The following PHF19 variants were observed in gnomAD, a reference collection of about 807,000 sequenced individuals.
The protein encoded by PHF19 is PHD finger protein 19.
A neutral mutation model predicts 79.8 loss-of-function variants in PHF19; 21 were observed. That is an observed-to-expected ratio of 0.26 (90% CI 0.19 to 0.38). The LOEUF (loss-of-function observed/expected upper bound fraction) is 0.38. PHF19 is among the 10% of genes least tolerant of loss of function. PHF19 has a pLI of 1.00. For synonymous variants in PHF19, 273 were observed against 296.3 expected (o/e 0.92, Z 0.81); for missense variants, 445 against 744.2 (o/e 0.60, Z 4.68).
At chr9:120,873,081 G>A (rs2045951916) in intron 3 of PHF19, among the ~76,000 whole-genome samples, 1 of 152,178 alleles carries the variant, frequency 6.6e-6, no homozygotes, top group South Asian at 2.1e-4. Context: ...CATATTACTT[G>A]CTCCTGCAAA....
intron 1 of PHF19, among the ~76,000 whole-genome samples, chr9:120,887,643 CACACACACAG>C (rs56938796): frequency 0.14 from 8,493 of 60,104 alleles, 256 homozygotes; most frequent in South Asian, 0.24. Context: ...CACACACACA[CACACACACAG>C]ACACACACAC....
In PHF19 at chr9:120,869,033, G is replaced by A; in HGVS notation, c.614+149C>T. 3 of 506,020 alleles carry A rather than the reference G, an allele frequency of 5.9e-6. No individual in the cohort carries two copies. Among genetic ancestry groups the A allele is most frequent in the Non-Finnish European group, 7.7e-6 (3 of 391,312 alleles). The allele number at this position is 506,020 out of a possible 1,614,324, so 31.3% of individuals were successfully genotyped here. A position where few individuals can be genotyped will look rare whatever the true frequency, so the allele number is the denominator to read the frequency against. Reference sequence around the variant, plus strand: ...CTGACACTCCAGGCCCGCCCCTCGAGGCCCCGCCCCCACAGCGCAACACAC... The same window carrying A: ...CTGACACTCCAGGCCCGCCCCTCGAAGCCCCGCCCCCACAGCGCAACACAC... On this transcript the variant is annotated intron_variant, in intron 6 of 14. Coordinates refer to ENST00000373896, the MANE Select transcript of PHF19 (RefSeq NM_015651.3). This position sits in a 1 kb window ranked among gnomAD's most constrained non-coding sequence, Gnocchi z 5.8.
chr9:120,862,011 G>A lies in PHF19; in HGVS notation c.1131-6C>T. The A allele has an allele frequency of 1.9e-6, 3 of 1,609,124 alleles. No homozygotes were observed. The highest frequency in any genetic ancestry group is 1.7e-4 in the Middle Eastern group (1 of 6,056). On this transcript the variant is annotated splice_polypyrimidine_tract_variant and splice_region_variant and intron_variant, in intron 11 of 14. Coordinates refer to ENST00000373896, the MANE Select transcript of PHF19 (RefSeq NM_015651.3). This position sits in a 1 kb window ranked among gnomAD's most constrained non-coding sequence, Gnocchi z 4.6. ...GGAATTCGTGAGGCAACAAACTGTG[G>A]AGACAGAAGAGGGAGAAGGTGGCCC...
chr9:120,869,256 G>C lies in PHF19; in HGVS notation c.540C>G (p.Pro180=). The C allele has an allele frequency of 6.2e-7, 1 of 1,612,616 alleles. No individual in the cohort carries two copies. The highest frequency in any genetic ancestry group is 8.5e-7 in the Non-Finnish European group (1 of 1,179,648). Residue 180 remains proline (P), a synonymous_variant, in exon 6 of 15, where the codon CCC becomes CCG. Transcript: ENST00000373896. This position sits in a 1 kb window ranked among gnomAD's most constrained non-coding sequence, Gnocchi z 5.8. ...GGGGCGAGTCCCACTCGAGCTCCTC[G>C]GGCTGGTAGGACAGCACCATCTTCA... ...QAVKMVLSYQ[P]EELEWDSPHR...
intron 1 of PHF19, among the ~76,000 whole-genome samples, chr9:120,890,306 CT>C (rs1482682272): frequency 8.3e-6 from 1 of 120,992 alleles, no homozygotes; most frequent in Non-Finnish European, 1.7e-5. Flanking sequence ...CCTGTTAACG[CT>C]TTTGACGTTT....
upstream of PHF19, among the ~76,000 whole-genome samples, chr9:120,897,227 C>T (rs929458140): frequency 2.6e-5 from 4 of 152,244 alleles, no homozygotes; most frequent in Admixed American, 6.5e-5. Flanking sequence ...TGGGGCTGGC[C>T]CACGCCCAGC....
At chr9:120,868,736 C>T in intron 6 of PHF19, 1 of 695,838 alleles carries the variant, frequency 1.4e-6, no homozygotes, top group Non-Finnish European at 1.8e-6. Flanking sequence ...TCCTCAGGTC[C>T]TGTTCCCGAG....
At chr9:120,878,365 T>C (rs2046123500), upstream of PHF19, among the ~76,000 whole-genome samples, 1 of 152,160 alleles carries the variant, frequency 6.6e-6, no homozygotes, top group African/African-American at 2.4e-5. Context: ...AGACTCACTC[T>C]TGGGGGAAGG....
chr9:120,883,228 G>C (rs1206693517), intron 1 of PHF19, among the ~76,000 whole-genome samples: 3 of 152,122 alleles, frequency 2.0e-5, no homozygotes, highest in African/African-American at 7.2e-5. Flanking sequence ...AAAAGAAAGG[G>C]GAGCCTTCAC....
Position 120,869,562 on chromosome 9 carries a change from A to C in PHF19, c.466-232T>G. The C allele has an allele frequency of 6.9e-7, 1 of 1,451,996 alleles. No homozygotes were observed. The highest frequency in any genetic ancestry group is 1.4e-5 in the South Asian group (1 of 69,064). The allele number at this position is 1,451,996 out of a possible 1,614,324, so 89.9% of individuals were successfully genotyped here. The stretch of plus-strand genomic sequence containing the variant: ...GAGTAATAAGCGCAATAAAGGCAAC[A>C]ATTACCAACATGTATTTACATGGAT... On this transcript the variant is annotated intron_variant, in intron 5 of 14. Transcript: ENST00000373896. The surrounding 1 kb of genome is among the most constrained non-coding windows in gnomAD (Gnocchi z 5.8).
At chr9:120,888,130 T>C (rs1432218926) in intron 1 of PHF19, among the ~76,000 whole-genome samples, 2 of 152,072 alleles carry the variant, frequency 1.3e-5, no homozygotes, top group African/African-American at 4.8e-5. Flanking sequence ...GCGCCACCAC[T>C]CCTGGATAAT....
At chr9:120,894,860 C>A in exon 1 of PHF19, 1 of 1,194,248 alleles carries the variant, frequency 8.4e-7, no homozygotes, top group East Asian at 3.2e-5. Context: ...CATCCGGAGG[C>A]TTTGATGAAT....
At chr9:120,894,771 C>T (rs1156814399) in intron 1 of PHF19, 3 of 1,222,552 alleles carry the variant, frequency 2.5e-6, no homozygotes, top group Admixed American at 4.2e-5. Context: ...GGGTTCTTGT[C>T]GATCTCCCGG....
chr9:120,897,735 T>C (rs1447070487), upstream of PHF19, among the ~76,000 whole-genome samples: 2 of 152,112 alleles, frequency 1.3e-5, no homozygotes, highest in Non-Finnish European at 1.5e-5. Context: ...TCCCAGCAGC[T>C]TGGCAGGCCG....
chr9:120,864,099 C>T lies in PHF19; in HGVS notation c.918G>A (p.Val306=), dbSNP rs1335162675. ...TGAGGAGATGTGGTCCTCGATCTGT[C>T]ACTGGGGTGCTGGTGAGCTGTGGGA... ...LQLGKLTSTP[V]TDRGPHLLNA... The change falls in exon 10 of 15, where the codon GTG becomes GTA. Residue 306 remains valine (V), a synonymous_variant. Transcript: ENST00000373896. The T allele has an allele frequency of 2.5e-6, 4 of 1,613,900 alleles. No individual in the cohort carries two copies. Among genetic ancestry groups the T allele is most frequent in the Non-Finnish European group, 3.4e-6 (4 of 1,179,910 alleles).
Position 120,860,117 on chromosome 9 carries a change from G to T in PHF19, c.1373C>A (p.Ala458Asp). The change falls in exon 14 of 15, where the codon GCC (alanine) becomes GAC (aspartate). Residue 458 changes from alanine to aspartate, a missense_variant. Transcript: ENST00000373896. The surrounding 1 kb of genome is among the most constrained non-coding windows in gnomAD (Gnocchi z 4.1). Reference protein sequence around the residue: ...STDAASTSGSASTSLSYDSRW... With the variant: ...STDAASTSGSDSTSLSYDSRW... ...GGAGTCATAGGAGAGGCTGGTGGAG[G>T]CAGAGCCAGAGGTGCTGGCAGCGTC... 1 of 1,597,394 alleles carries T rather than the reference G, an allele frequency of 6.3e-7. No individual in the cohort carries two copies. Among genetic ancestry groups the T allele is most frequent in the Non-Finnish European group, 8.5e-7 (1 of 1,170,678 alleles).
At chr9:120,877,441 GC>G, upstream of PHF19, 1 of 727,640 alleles carries the variant, frequency 1.4e-6, no homozygotes, top group Non-Finnish European at 1.7e-6. Context: ...GCCCCCGCCC[GC>G]CCCCGCCCGC....
chr9:120,874,685 G>A lies in PHF19; in HGVS notation c.57C>T (p.His19=), dbSNP rs540150835. 4.3e-6 allele frequency: 7 copies of A among 1,613,644 alleles called. No homozygotes were observed. In the African/African-American group the frequency reaches 5.3e-5, roughly 12 times the overall value. ...GTRDSYGATS[H]LPNKGALAKV... Reference sequence around the variant, plus strand: ...TCGCCAGGGCCCCCTTGTTGGGGAGGTGGCTGGTGGCACCATAGGAGTCCC... The same window carrying A: ...TCGCCAGGGCCCCCTTGTTGGGGAGATGGCTGGTGGCACCATAGGAGTCCC... Residue 19 remains histidine, a synonymous_variant, in exon 2 of 15, where the codon CAC becomes CAT. Coordinates refer to ENST00000373896, the MANE Select transcript of PHF19 (RefSeq NM_015651.3). This position sits in a 1 kb window ranked among gnomAD's most constrained non-coding sequence, Gnocchi z 4.5.
the PHF19 span, among the ~76,000 whole-genome samples, chr9:120,900,465 A>G: frequency 2.5e-4 from 38 of 152,362 alleles, no homozygotes; most frequent in Admixed American, 4.6e-4. Context: ...CAAAAATGCA[A>G]AGAAAATCAA....
Sources: allele counts gnomAD v4.1 joint callset (sites outside exome capture counted in the v4.1 genomes callset), GRCh38; gene constraint gnomAD v4.1.1; non-coding constraint Gnocchi (gnomAD v3.1); transcripts MANE v1.5; gene names NCBI Gene and HGNC (gene_info 2026-07-23, HGNC 2026-07-21).